The following CFLAR variants were observed in gnomAD, a reference collection of about 807,000 sequenced individuals.
CFLAR encodes CASP8 and FADD like apoptosis regulator.
In CFLAR, 14 loss-of-function variants were observed where a neutral mutation model predicts 51.1. The ratio of observed to expected loss-of-function variants is 0.27; its 90% CI spans 0.18 to 0.43. The LOEUF is 0.43. Among genes scored for constraint, CFLAR ranks in the 20% least tolerant of loss-of-function variants. CFLAR has a pLI of 1.00. For synonymous variants in CFLAR, 210 were observed against 211.6 expected, an observed-to-expected ratio of 0.99 and a Z score of 0.06; for missense variants, 390 against 566.5, an observed-to-expected ratio of 0.69 and a Z score of 3.16.
chr2:201,159,916 T>C (rs746470746), intron 8 of CFLAR, among the ~76,000 whole-genome samples: 8 of 152,034 alleles, frequency 5.3e-5, no homozygotes, highest in Non-Finnish European at 8.8e-5. Flanking sequence ...GAATGCTTGA[T>C]TGGGATTGGA....
intron 4 of CFLAR, chr2:201,137,334 T>G (rs1040331753): frequency 3.0e-6 from 1 of 335,042 alleles, no homozygotes; most frequent in African/African-American, 2.1e-5. Context: ...GTCCTGACTC[T>G]GCAGGGGATG....
rs1943852298 is a variant in CFLAR, at chr2:201,169,103, A to T, written c.*5130A>T. 1 of 152,214 alleles carries T rather than the reference A, an allele frequency of 6.6e-6. No homozygotes were observed. Among genetic ancestry groups the T allele is most frequent in the Admixed American group, 6.5e-5 (1 of 15,276 alleles). 9.4% of individuals were successfully genotyped at this position (152,214 alleles called of 1,614,324 possible). A position where few individuals can be genotyped will look rare whatever the true frequency, so the allele number is the denominator to read the frequency against. On this transcript the variant is annotated 3_prime_UTR_variant, in exon 10 of 10. Transcript: ENST00000309955. ...ATTGACATTCTTCACAGAATTAGAA[A>T]AAAACTACTTTAAAATTCAAATGGA...
intron 5 of CFLAR, among the ~76,000 whole-genome samples, chr2:201,143,656 A>T (rs1939469416): frequency 6.6e-6 from 1 of 151,832 alleles, no homozygotes; most frequent in Non-Finnish European, 1.5e-5. Flanking sequence ...AGGATACCAC[A>T]AGATATTATA....
Position 201,171,602 on chromosome 2 carries a change from G to C in CFLAR, c.*7629G>C, listed in dbSNP as rs879510299. ...GGTGCAGCAAACCACCATGGGACAC[G>C]TTTACCTATGTAACAAACCCGCACA... On this transcript the variant is annotated 3_prime_UTR_variant, in exon 10 of 10. Transcript: ENST00000309955. 1.3e-5 allele frequency: 2 copies of C among 150,880 alleles called. No individual in the cohort carries two copies. Among genetic ancestry groups the C allele is most frequent in the Non-Finnish European group, 2.9e-5 (2 of 67,880 alleles). The allele number at this position is 150,880 out of a possible 1,614,324, so 9.3% of individuals were successfully genotyped here.
At chr2:201,144,801 T>C (rs1224700428) in intron 5 of CFLAR, among the ~76,000 whole-genome samples, 1 of 152,210 alleles carries the variant, frequency 6.6e-6, no homozygotes, top group Non-Finnish European at 1.5e-5. Flanking sequence ...TTTATTGGGC[T>C]GTTTTGAAAC....
intron 9 of CFLAR, 65 bp from the exon 10 acceptor site, chr2:201,163,770 C>T: frequency 6.4e-7 from 1 of 1,558,746 alleles, no homozygotes; most frequent in East Asian, 2.3e-5. Flanking sequence ...CTCATTTCGC[C>T]CTAATGACAG....
intron 8 of CFLAR, among the ~76,000 whole-genome samples, chr2:201,154,780 G>A (rs1051711803): frequency 6.6e-6 from 1 of 152,230 alleles, no homozygotes; most frequent in East Asian, 1.9e-4. Flanking sequence ...AGTATTTAAA[G>A]CTTTATTTCT....
rs1443255866 is a variant in CFLAR at position 201,166,065 on chromosome 2, A to G, written c.*2092A>G. ...TCTATTCCACAAAACCGCCATCGTC[A>G]TCATGGCCTGTTCTCAATGAGCTGT... On this transcript the variant is annotated 3_prime_UTR_variant, in exon 10 of 10. Transcript: ENST00000309955. 2 of 194,076 alleles carry G rather than the reference A, an allele frequency of 1.0e-5. No individual in the cohort carries two copies. Among genetic ancestry groups the G allele is most frequent in the Non-Finnish European group, 2.0e-5 (2 of 97,970 alleles). 12.0% of individuals were successfully genotyped at this position (194,076 alleles called of 1,614,324 possible).
At chr2:201,149,883 T>C (rs368203732) in intron 8 of CFLAR, 48 bp downstream of exon 8, 1 of 1,377,620 alleles carries the variant, frequency 7.3e-7, no homozygotes, top group Non-Finnish European at 1.0e-6. Context: ...ATTGAGATCA[T>C]GGCACAGGCA....
rs528807729 is a variant in CFLAR at position 201,150,820 on chromosome 2, T to C, written c.793+985T>C. On this transcript the variant is annotated intron_variant, in intron 8 of 9. Coordinates refer to ENST00000309955, the MANE Select transcript of CFLAR (RefSeq NM_003879.7). ...CTAACTGTAGTGGACATGGAGAAAT[T>C]AGTCTCGCTGTGTGTCAGGAGGAAA... is the stretch of plus-strand genomic sequence containing the variant. 6.5e-4 allele frequency among the ~76,000 whole-genome samples: 99 copies of C among 152,238 alleles called. 3 individuals are homozygous for C. The South Asian group carries it at 0.018, about 27-fold the overall frequency.
intron 4 of CFLAR, chr2:201,139,847 C>G (rs369578024): frequency 6.5e-6 from 1 of 153,134 alleles, no homozygotes; most frequent in Non-Finnish European, 1.5e-5. Context: ...TGCTGAACGC[C>G]GGTCCCCTGG....
At chr2:201,163,681 A>C in intron 9 of CFLAR, 154 bp from the exon 10 acceptor site, 4 of 1,436,708 alleles carry the variant, frequency 2.8e-6, no homozygotes, top group Non-Finnish European at 3.6e-6. Flanking sequence ...GAGTATTGCA[A>C]GTTAGTTTGG....
At chr2:201,139,990 C>A in intron 4 of CFLAR, 1 of 282,136 alleles carries the variant, frequency 3.5e-6, no homozygotes, top group Admixed American at 4.7e-5. Context: ...CGTCCTCGAC[C>A]ACGTAGCCGG....
At chr2:201,136,844 G>A (rs1164265284) in intron 4 of CFLAR, 2 of 242,110 alleles carry the variant, frequency 8.3e-6, no homozygotes, top group African/African-American at 2.2e-5. Flanking sequence ...TAACACACAG[G>A]GACGCAACAG....
intron 5 of CFLAR, chr2:201,141,245 C>T (rs1938769763): frequency 8.0e-7 from 1 of 1,246,118 alleles, no homozygotes; most frequent in Non-Finnish European, 1.0e-6. Flanking sequence ...AAAATGTTTT[C>T]TTCCTACCCC....
In CFLAR at chr2:201,166,331, G is replaced by A. The variant is rs185966302; in HGVS notation, c.*2358G>A. The A allele has an allele frequency of 9.5e-3, 1,586 of 166,570 alleles. 14 individuals carry two copies. The highest frequency in any genetic ancestry group is 0.018 in the Middle Eastern group (6 of 342). The allele number at this position is 166,570 out of a possible 1,614,324, so 10.3% of individuals were successfully genotyped here. On this transcript the variant is annotated 3_prime_UTR_variant, in exon 10 of 10. Transcript: ENST00000309955. ...GGCTCCTCACTTCTCAGACGGGGTG[G>A]CTGCTGGGCGGAGACGCTCCTCACT...
At chr2:201,149,409 A>T (rs1575822845) in intron 7 of CFLAR, 1 of 295,410 alleles carries the variant, frequency 3.4e-6, no homozygotes, top group East Asian at 7.5e-5. Flanking sequence ...CTCCCTTTGT[A>T]CTTGGGAACA....
rs1017570112 is a variant in CFLAR at position 201,173,352 on chromosome 2, C to G, written c.*9379C>G. 1.3e-5 allele frequency: 2 copies of G among 152,534 alleles called. No homozygotes were observed. Among genetic ancestry groups the G allele is most frequent in the African/African-American group, 4.8e-5 (2 of 41,458 alleles). The allele number at this position is 152,534 out of a possible 1,614,324, so 9.4% of individuals were successfully genotyped here. On this transcript the variant is annotated 3_prime_UTR_variant, in exon 10 of 10. Coordinates refer to ENST00000309955, the MANE Select transcript of CFLAR (RefSeq NM_003879.7). ...CCTCCCAAGTATCTGGGACTACAGC[C>G]GCCCTCCACCACGCCCGGCTAATTT...
At chr2:201,162,974 CT>C (rs1943211569) in intron 9 of CFLAR, 1 of 726,246 alleles carries the variant, frequency 1.4e-6, no homozygotes. Context: ...AGTATTTGTT[CT>C]TATCCTTAAT....
Sources: allele counts gnomAD v4.1 joint callset (sites outside exome capture counted in the v4.1 genomes callset), GRCh38; gene constraint gnomAD v4.1.1; transcripts MANE v1.5; gene names NCBI Gene and HGNC (gene_info 2026-07-23, HGNC 2026-07-21).